The following PARD3 variants were observed in gnomAD, a reference collection of about 807,000 sequenced individuals.
PARD3 encodes the protein partitioning defective 3 homolog.
In PARD3, 75 loss-of-function variants were observed where a neutral mutation model predicts 155.4. The observed-to-expected ratio is 0.48, with a 90% CI of 0.40 to 0.58. The LOEUF is 0.58. Ranked by LOEUF, PARD3 falls within the 20% of genes least tolerant of loss-of-function variation. The probability of loss-of-function intolerance (pLI) is 0.00; values close to 1 mark genes in which losing one functional copy is unlikely to be tolerated. For synonymous variants in PARD3, 576 were observed against 610.5 expected, an observed-to-expected ratio of 0.94 and a Z score of 0.83; for missense variants, 1,642 against 1,721.7, an observed-to-expected ratio of 0.95 and a Z score of 0.82.
At chr10:34,810,807 T>C (rs1844051599) in intron 1 of PARD3, among the ~76,000 whole-genome samples, 1 of 152,168 alleles carries the variant, frequency 6.6e-6, no homozygotes, top group African/African-American at 2.4e-5. Context: ...TTCCCTCTCA[T>C]CATCCTGTTT....
At chr10:34,812,912 CAGG>C in intron 1 of PARD3, among the ~76,000 whole-genome samples, 2 of 152,126 alleles carry the variant, frequency 1.3e-5, no homozygotes, top group African/African-American at 4.8e-5. Flanking sequence ...TAATAAGGAC[CAGG>C]TCCGTGACCA....
intron 7 of PARD3, among the ~76,000 whole-genome samples, chr10:34,388,460 T>C (rs539547423): frequency 3.9e-5 from 6 of 152,050 alleles, no homozygotes; most frequent in East Asian, 1.9e-4. Flanking sequence ...TCCTGAAAAA[T>C]GTGTGCTCGC....
At chr10:34,689,276 G>T (rs141998284) in intron 2 of PARD3, among the ~76,000 whole-genome samples, 1 of 152,170 alleles carries the variant, frequency 6.6e-6, no homozygotes, top group South Asian at 2.1e-4. Flanking sequence ...GAAAAGAGCC[G>T]TGCGACCGAC....
intron 1 of PARD3, among the ~76,000 whole-genome samples, chr10:34,795,898 A>AATAAT (rs1564627717): frequency 6.6e-6 from 1 of 151,526 alleles, no homozygotes; most frequent in African/African-American, 2.4e-5. Context: ...CCATCTCAAA[A>AATAAT]ATAACATAAC....
intron 22 of PARD3, among the ~76,000 whole-genome samples, chr10:34,255,016 G>A (rs1045642056): frequency 3.3e-5 from 5 of 152,136 alleles, no homozygotes; most frequent in African/African-American, 1.2e-4. Flanking sequence ...ACCTCAATCA[G>A]CTTTAGTTTT....
chr10:34,586,844 G>A (rs2088107249), intron 2 of PARD3, among the ~76,000 whole-genome samples: 1 of 152,072 alleles, frequency 6.6e-6, no homozygotes, highest in South Asian at 2.1e-4. Flanking sequence ...AGCTACTCAG[G>A]AGGCTGAGGC....
At chr10:34,429,369 AACC>A (rs974587344) in intron 5 of PARD3, among the ~76,000 whole-genome samples, 1 of 152,014 alleles carries the variant, frequency 6.6e-6, no homozygotes, top group African/African-American at 2.4e-5. Context: ...GAAGCATTAG[AACC>A]ACAAGTAAAT....
At chr10:34,182,811 C>A (rs539644655) in intron 22 of PARD3, among the ~76,000 whole-genome samples, 1 of 150,858 alleles carries the variant, frequency 6.6e-6, no homozygotes, top group African/African-American at 2.4e-5. Flanking sequence ...TTTAGTGAGA[C>A]GTAACTATTG....
chr10:34,324,945 C>T (rs1206155163), intron 19 of PARD3, among the ~76,000 whole-genome samples: 1 of 152,142 alleles, frequency 6.6e-6, no homozygotes, highest in African/African-American at 2.4e-5. Flanking sequence ...CCACCCTCTA[C>T]CCCAGAGTCC....
chr10:34,246,058 A>C lies in PARD3; in HGVS notation c.3419+23599T>G, dbSNP rs74131656. ...GGAGAGCACTAGTGACCAAGGAAGA[A>C]GGGTGTCCTATAAGTCAAATGTGGA... On this transcript the variant is annotated intron_variant, in intron 22 of 24. Coordinates refer to ENST00000374788, the MANE Select transcript of PARD3 (RefSeq NM_001184785.2). Among the ~76,000 whole-genome samples, 1,436 of 152,340 alleles carry C rather than the reference A, an allele frequency of 9.4e-3. 25 individuals carry two copies. Among genetic ancestry groups the C allele is most frequent in the African/African-American group, 0.033 (1,361 of 41,576 alleles).
intron 2 of PARD3, among the ~76,000 whole-genome samples, chr10:34,690,494 A>T (rs763139446): frequency 6.6e-6 from 1 of 152,154 alleles, no homozygotes; most frequent in Non-Finnish European, 1.5e-5. Flanking sequence ...GGTACTGCAT[A>T]ACCCTTCAGG....
intron 24 of PARD3, among the ~76,000 whole-genome samples, chr10:34,113,514 CACACACACAT>C (rs1564401913): frequency 4.0e-5 from 6 of 150,736 alleles, no homozygotes; most frequent in Admixed American, 2.6e-4. Context: ...CACACACACA[CACACACACAT>C]AGACACACAC....
At chr10:34,596,384 T>A (rs555719392) in intron 2 of PARD3, among the ~76,000 whole-genome samples, 2 of 152,252 alleles carry the variant, frequency 1.3e-5, no homozygotes, top group Non-Finnish European at 2.9e-5. Flanking sequence ...GGGTAACTTA[T>A]AAAGAAAAGA....
intron 20 of PARD3, among the ~76,000 whole-genome samples, chr10:34,298,131 T>A (rs1035625481): frequency 1.3e-4 from 20 of 152,270 alleles, no homozygotes; most frequent in African/African-American, 4.8e-4. Context: ...TTCAGCCCTG[T>A]GTGTTGGCAC....
chr10:34,647,923 G>A lies in PARD3; in HGVS notation c.222+48395C>T, dbSNP rs142826504. 2.5e-3 allele frequency among the ~76,000 whole-genome samples: 386 copies of A among 152,328 alleles called. 1 individual carries two copies. The highest frequency in any genetic ancestry group is 4.0e-3 in the Non-Finnish European group (269 of 68,018). On this transcript the variant is annotated intron_variant, in intron 2 of 24. Transcript: ENST00000374788. ...TTCCTGGGCCCAAATTAAAACCTCAGAGAATGGGATCAAAGAGGAGGGTGC... is the reference window on the plus strand; with the variant it reads ...TTCCTGGGCCCAAATTAAAACCTCAAAGAATGGGATCAAAGAGGAGGGTGC...
chr10:34,381,451 G>A (rs1004134330), intron 9 of PARD3, among the ~76,000 whole-genome samples: 7 of 152,132 alleles, frequency 4.6e-5, no homozygotes, highest in African/African-American at 1.7e-4. Context: ...GTGCCTGGAC[G>A]AAACATTGGG....
chr10:34,354,338 A>G (rs1161911086), intron 14 of PARD3, among the ~76,000 whole-genome samples: 2 of 151,626 alleles, frequency 1.3e-5, no homozygotes, highest in African/African-American at 4.8e-5. Context: ...AGATCACGCC[A>G]CTGCACTCCA....
chr10:34,497,509 C>T (rs1374580975), intron 3 of PARD3, among the ~76,000 whole-genome samples: 1 of 152,108 alleles, frequency 6.6e-6, no homozygotes, highest in African/African-American at 2.4e-5. Context: ...AGAGCTTTTC[C>T]CCACAATTAA....
chr10:34,159,408 T>C (rs1220257245), intron 22 of PARD3, among the ~76,000 whole-genome samples: 1 of 152,166 alleles, frequency 6.6e-6, no homozygotes, highest in Non-Finnish European at 1.5e-5. Flanking sequence ...CAAATAACTC[T>C]TTCACTCTGC....
Sources: allele counts gnomAD v4.1 joint callset (sites outside exome capture counted in the v4.1 genomes callset), GRCh38; gene constraint gnomAD v4.1.1; transcripts MANE v1.5; gene names NCBI Gene and HGNC (gene_info 2026-07-23, HGNC 2026-07-21).